Variants in IPCEF1 observed in about 807,000 individuals in gnomAD.
IPCEF1 encodes interaction protein for cytohesin exchange factors 1, also known as interactor protein for cytohesin exchange factors 1.
In IPCEF1, 31 loss-of-function variants were observed where a neutral mutation model predicts 50.9. That is an observed-to-expected ratio of 0.61 (90% CI 0.46 to 0.82). IPCEF1 has a LOEUF of 0.82. Ranked by LOEUF, IPCEF1 falls within the 40% of genes least tolerant of loss-of-function variation. The pLI is 0.00. For synonymous variants in IPCEF1, 181 were observed against 192.0 expected, an observed-to-expected ratio of 0.94 and a Z score of 0.47; for missense variants, 458 against 514.0, an observed-to-expected ratio of 0.89 and a Z score of 1.05.
chr6:154,284,514 A>G (rs1039956786), intron 2 of IPCEF1, among the ~76,000 whole-genome samples: 3 of 152,138 alleles, frequency 2.0e-5, no homozygotes, highest in Non-Finnish European at 4.4e-5. Context: ...TGATGTCATC[A>G]CTTTGTGTCT....
intron 7 of IPCEF1, 97 bp downstream of exon 7, chr6:154,221,160 T>C: frequency 1.2e-6 from 1 of 830,090 alleles, no homozygotes; most frequent in South Asian, 1.7e-5. Context: ...AGAAATAAAA[T>C]AATAATTGAT....
At chr6:154,266,250 T>G (rs1361795020) in intron 2 of IPCEF1, among the ~76,000 whole-genome samples, 1 of 151,910 alleles carries the variant, frequency 6.6e-6, no homozygotes, top group Non-Finnish European at 1.5e-5. Context: ...CCAGTTGTAG[T>G]GGCACACACC....
intron 1 of IPCEF1, among the ~76,000 whole-genome samples, chr6:154,331,452 AAAG>A (rs1783671470): frequency 6.9e-6 from 1 of 145,912 alleles, no homozygotes; most frequent in African/African-American, 2.5e-5. Context: ...AGAACGAAAG[AAAG>A]AAAGGAAAAG....
chr6:154,321,346 T>G (rs911465930), intron 1 of IPCEF1, among the ~76,000 whole-genome samples: 4 of 152,102 alleles, frequency 2.6e-5, no homozygotes, highest in Admixed American at 1.3e-4. Context: ...AATATTTGTA[T>G]AAATAAAACC....
At chr6:154,179,399 C>A (rs1346483492) in intron 10 of IPCEF1, among the ~76,000 whole-genome samples, 1 of 152,028 alleles carries the variant, frequency 6.6e-6, no homozygotes. Flanking sequence ...TACATTATTT[C>A]TCTTATCTTA....
intron 2 of IPCEF1, among the ~76,000 whole-genome samples, chr6:154,267,171 C>G (rs1781778353): frequency 6.6e-6 from 1 of 151,668 alleles, no homozygotes; most frequent in Admixed American, 6.6e-5. Context: ...TTTAAAAAAT[C>G]AAGTCTCAAG....
At chr6:154,345,047 T>C (rs1393206471) in intron 1 of IPCEF1, among the ~76,000 whole-genome samples, 3 of 152,178 alleles carry the variant, frequency 2.0e-5, no homozygotes, top group Admixed American at 6.5e-5. Context: ...TTTTAATACA[T>C]TTTGTAGAGA....
chr6:154,281,146 C>G lies in IPCEF1; in HGVS notation c.-18+8567G>C, dbSNP rs189733228. Among the ~76,000 whole-genome samples the G allele has an allele frequency of 2.4e-3, 348 of 147,058 alleles. 1 individual carries two copies. Among genetic ancestry groups the G allele is most frequent in the African/African-American group, 8.6e-3 (338 of 39,478 alleles). ...CTTGAGGTCAGGAGTTCAAGACCAG[C>G]CTGGGCAAGATGGTGAAACCCCGTT... On this transcript the variant is annotated intron_variant, in intron 2 of 11. Coordinates refer to ENST00000367220, the MANE Select transcript of IPCEF1 (RefSeq NM_001130700.2).
chr6:154,328,662 CTCTCTCCTCTT>C (rs1783582712), intron 1 of IPCEF1, among the ~76,000 whole-genome samples: 1 of 151,902 alleles, frequency 6.6e-6, no homozygotes, highest in Non-Finnish European at 1.5e-5. Flanking sequence ...TAATCTTTCT[CTCTCTCCTCTT>C]TCTCTCCTCT....
intron 1 of IPCEF1, among the ~76,000 whole-genome samples, chr6:154,309,315 C>T (rs567159063): frequency 6.6e-6 from 1 of 152,242 alleles, no homozygotes; most frequent in African/African-American, 2.4e-5. Context: ...TATCTGTCCC[C>T]CCACTCTATG....
chr6:154,237,737 G>A (rs912934838), intron 5 of IPCEF1, among the ~76,000 whole-genome samples: 6 of 152,020 alleles, frequency 3.9e-5, no homozygotes, highest in African/African-American at 1.2e-4. Flanking sequence ...CCATGCTGCC[G>A]AAATCCACCT....
intron 3 of IPCEF1, among the ~76,000 whole-genome samples, chr6:154,259,572 A>C (rs1425462386): frequency 3.9e-5 from 6 of 152,168 alleles, no homozygotes; most frequent in Non-Finnish European, 8.8e-5. Context: ...AAATCACTTG[A>C]ACCTGGGAGG....
intron 7 of IPCEF1, 65 bp downstream of exon 7, chr6:154,221,192 C>T: frequency 8.9e-7 from 1 of 1,128,456 alleles, no homozygotes; most frequent in Non-Finnish European, 1.3e-6. Context: ...ATTAGAATTC[C>T]AGTACCAGGC....
intron 3 of IPCEF1, among the ~76,000 whole-genome samples, chr6:154,261,461 C>T (rs552721210): frequency 2.9e-4 from 44 of 152,096 alleles, no homozygotes; most frequent in Non-Finnish European, 5.1e-4. Context: ...GGACACAGGG[C>T]CAGAGACAAA....
intron 1 of IPCEF1, among the ~76,000 whole-genome samples, chr6:154,316,132 A>T (rs745616798): frequency 1.3e-5 from 2 of 152,242 alleles, no homozygotes; most frequent in African/African-American, 2.4e-5. Flanking sequence ...TGGTGGAATT[A>T]TAGGCAAGAG....
At chr6:154,304,836 G>A (rs770704649) in intron 1 of IPCEF1, among the ~76,000 whole-genome samples, 35 of 152,276 alleles carry the variant, frequency 2.3e-4, no homozygotes, top group East Asian at 1.7e-3. Context: ...AGAAAAGGCC[G>A]GGCGCGGTGG....
chr6:154,276,928 C>A (rs761146357), intron 2 of IPCEF1, among the ~76,000 whole-genome samples: 6 of 152,128 alleles, frequency 3.9e-5, no homozygotes, highest in Admixed American at 1.3e-4. Context: ...TTCAGAGGGA[C>A]CTTCGGTGAC....
chr6:154,289,908 A>G (rs1782470392), intron 1 of IPCEF1, among the ~76,000 whole-genome samples, 152 bp from the exon 2 acceptor site: 2 of 152,282 alleles, frequency 1.3e-5, no homozygotes, highest in South Asian at 2.1e-4. Flanking sequence ...GATCATCGTG[A>G]TAATGTTAGG....
At chr6:154,281,378 G>A (rs1429469527) in intron 2 of IPCEF1, among the ~76,000 whole-genome samples, 1 of 151,404 alleles carries the variant, frequency 6.6e-6, no homozygotes, top group African/African-American at 2.4e-5. Context: ...TTTTTTTAAA[G>A]TAGCCTTGTG....
Sources: allele counts gnomAD v4.1 joint callset (sites outside exome capture counted in the v4.1 genomes callset), GRCh38; gene constraint gnomAD v4.1.1; transcripts MANE v1.5; gene names NCBI Gene and HGNC (gene_info 2026-07-23, HGNC 2026-07-21).